The following ABLIM2 variants were observed in gnomAD, a reference collection of about 807,000 sequenced individuals.
ABLIM2 encodes the protein actin binding LIM protein family member 2.
ABLIM2 carries 53 observed loss-of-function variants against 97.7 expected under a neutral mutation model. That is an observed-to-expected ratio of 0.54 (90% CI 0.44 to 0.68). The LOEUF is 0.68. Ranked by LOEUF, ABLIM2 falls within the 30% of genes least tolerant of loss-of-function variation. The pLI, the probability that ABLIM2 is intolerant of heterozygous loss-of-function variation, is 0.00. For missense variants in ABLIM2, 835 were observed against 867.2 expected, an observed-to-expected ratio of 0.96 and a Z score of 0.47; for synonymous variants, 361 against 345.8, an observed-to-expected ratio of 1.04 and a Z score of -0.49.
At chr4:8,045,128 T>G (rs1313157839) in intron 9 of ABLIM2, 36 bp downstream of exon 9, 1 of 1,593,356 alleles carries the variant, frequency 6.3e-7, no homozygotes, top group Non-Finnish European at 8.6e-7. Context: ...CTCTCCACCC[T>G]CCCACCGCCG....
Position 8,061,478 on chromosome 4 carries a change from G to T in ABLIM2, c.676-424C>A, listed in dbSNP as rs1257651144. ...ATTTCCCTAGGTGCAAGAATTAGGG[G>T]AGTGGGGTGAAAAAGGATGAATACT... is the stretch of plus-strand genomic sequence containing the variant. On this transcript the variant is annotated intron_variant, in intron 6 of 20. Transcript: ENST00000447017. This position sits in a 1 kb window ranked among gnomAD's most constrained non-coding sequence, Gnocchi z 4.5. 6.6e-6 allele frequency among the ~76,000 whole-genome samples: 1 copy of T among 152,110 alleles called. No homozygotes were observed. The highest frequency in any genetic ancestry group is 1.5e-5 in the Non-Finnish European group (1 of 67,994).
At chr4:8,040,746 T>C (rs1263692026) in intron 9 of ABLIM2, among the ~76,000 whole-genome samples, 1 of 151,694 alleles carries the variant, frequency 6.6e-6, no homozygotes, top group Non-Finnish European at 1.5e-5. Flanking sequence ...AACCCCAAGG[T>C]GGGAGAGAGA....
chr4:8,143,156 G>T (rs1396208891), intron 1 of ABLIM2, among the ~76,000 whole-genome samples: 2 of 125,858 alleles, frequency 1.6e-5, no homozygotes, highest in East Asian at 2.3e-4. Context: ...GCGGGGGCGA[G>T]AGTGGGGGGG....
chr4:8,133,070 G>A (rs536885762), intron 1 of ABLIM2, among the ~76,000 whole-genome samples: 87 of 152,220 alleles, frequency 5.7e-4, no homozygotes, highest in African/African-American at 1.8e-3. Context: ...GCCTCTTCCC[G>A]CTTCTGCTGG....
rs894010141 is a variant in ABLIM2, at chr4:8,128,354, C to T, written c.11-21717G>A. Among the ~76,000 whole-genome samples the T allele has an allele frequency of 1.3e-5, 2 of 152,176 alleles. No homozygotes were observed. Among genetic ancestry groups the T allele is most frequent in the African/African-American group, 2.4e-5 (1 of 41,442 alleles). ...CCAGGTGGGTGGGGCCACAAGAAGA[C>T]GTGTCTCTATCTAGCGAATCAGAGT... On this transcript the variant is annotated intron_variant, in intron 1 of 20. Transcript: ENST00000447017. This position sits in a 1 kb window ranked among gnomAD's most constrained non-coding sequence, Gnocchi z 4.9.
intron 3 of ABLIM2, among the ~76,000 whole-genome samples, chr4:8,090,924 T>C (rs1826948197): frequency 6.6e-6 from 1 of 152,056 alleles, no homozygotes; most frequent in Non-Finnish European, 1.5e-5. Context: ...CTGTTACAAA[T>C]AAAGCTGTTA....
At chr4:8,110,758 G>A (rs1402528899) in intron 1 of ABLIM2, among the ~76,000 whole-genome samples, 1 of 152,190 alleles carries the variant, frequency 6.6e-6, no homozygotes, top group Non-Finnish European at 1.5e-5. Context: ...CGAGGCGTCC[G>A]GGGGCTGCAG....
chr4:8,143,672 C>G (rs1478443576), intron 1 of ABLIM2, among the ~76,000 whole-genome samples: 1 of 152,192 alleles, frequency 6.6e-6, no homozygotes. Context: ...GAAGTGCTTT[C>G]TCATGGAGTG....
At chr4:8,011,359 C>T (rs143932722) in intron 14 of ABLIM2, among the ~76,000 whole-genome samples, 48 of 152,304 alleles carry the variant, frequency 3.2e-4, no homozygotes, top group African/African-American at 1.2e-3. Context: ...TTTTAAAAAC[C>T]AGTTTGCTAG....
At chr4:8,142,197 C>T (rs1461403107) in intron 1 of ABLIM2, among the ~76,000 whole-genome samples, 1 of 152,210 alleles carries the variant, frequency 6.6e-6, no homozygotes, top group African/African-American at 2.4e-5. Flanking sequence ...TCCAGGTCTC[C>T]ACATCGGCTC....
intron 1 of ABLIM2, among the ~76,000 whole-genome samples, chr4:8,142,111 T>A (rs1368093394): frequency 6.6e-6 from 1 of 152,220 alleles, no homozygotes; most frequent in Non-Finnish European, 1.5e-5. Context: ...GGTGGCACCA[T>A]GGGAGATAGA....
intron 18 of ABLIM2, among the ~76,000 whole-genome samples, chr4:7,984,243 C>T (rs1031286388): frequency 2.6e-5 from 4 of 152,156 alleles, no homozygotes; most frequent in African/African-American, 7.2e-5. Flanking sequence ...CTCTGAGGCC[C>T]GGGGACTGAA....
chr4:8,153,951 T>G (rs1316193784), intron 1 of ABLIM2, among the ~76,000 whole-genome samples: 1 of 147,848 alleles, frequency 6.8e-6, no homozygotes, highest in African/African-American at 2.5e-5. Context: ...TTTTCTAAAT[T>G]AAACTTCTTT....
At chr4:8,056,154 T>A (rs977196309) in intron 7 of ABLIM2, among the ~76,000 whole-genome samples, 6 of 135,242 alleles carry the variant, frequency 4.4e-5, no homozygotes, top group Non-Finnish European at 8.0e-5. Flanking sequence ...CAGATGTCTC[T>A]TATTAAAAAT....
At chr4:7,982,850 C>T (rs58200520) in intron 20 of ABLIM2, among the ~76,000 whole-genome samples, 1,857 of 152,220 alleles carry the variant, frequency 0.012, 41 homozygotes, top group African/African-American at 0.042. Context: ...ATTACAGGCA[C>T]CTGCCACCAC....
rs1391885255 is a variant in ABLIM2, at chr4:7,970,695, G to A, written c.1825-3592C>T. ...TTGGGGATGACTGTGGGGGGGCGGT[G>A]GAGGGAGCATCTGGGTGGCTTCTGA... On this transcript the variant is annotated intron_variant, in intron 20 of 20. Transcript: ENST00000447017. The surrounding 1 kb of genome is among the most constrained non-coding windows in gnomAD (Gnocchi z 5.3). Among the ~76,000 whole-genome samples the A allele has an allele frequency of 6.6e-6, 1 of 151,986 alleles. No homozygotes were observed. Among genetic ancestry groups the A allele is most frequent in the Non-Finnish European group, 1.5e-5 (1 of 67,974 alleles).
At chr4:7,984,972 G>A in intron 17 of ABLIM2, 79 bp from the exon 18 acceptor site, 1 of 1,486,570 alleles carries the variant, frequency 6.7e-7, no homozygotes. Flanking sequence ...AGGAGATGTG[G>A]CCCCTTGGAG....
chr4:8,009,250 A>G, intron 14 of ABLIM2, 148 bp from the exon 15 acceptor site: 1 of 958,274 alleles, frequency 1.0e-6, no homozygotes. Context: ...AGGGCAAGGA[A>G]CAAGGTAAGC....
In ABLIM2 at chr4:8,019,650, A is replaced by C. The variant is rs376443738; in HGVS notation, c.1391T>G (p.Ile464Ser). The C allele has an allele frequency of 6.2e-7, 1 of 1,612,662 alleles. No homozygotes were observed. The highest frequency in any genetic ancestry group is 8.5e-7 in the Non-Finnish European group (1 of 1,179,394). ...HVPDTGVKDNIYRKPPIYRQH... is the reference protein window; with the variant it reads ...HVPDTGVKDNSYRKPPIYRQH... ...TCTGTAGATAGGGGGTTTCCTATAG[A>C]TGTTATCTTTTACGCCAGTGTCTGG... is the stretch of plus-strand genomic sequence containing the variant. Residue 464 changes from isoleucine to serine, a missense_variant, in exon 14 of 21, where the codon ATC (isoleucine) becomes AGC (serine). By Grantham distance (142) the Ile-to-Ser change is moderately radical (BLOSUM62 -2). Transcript: ENST00000447017. The surrounding 1 kb of genome is among the most constrained non-coding windows in gnomAD (Gnocchi z 4.3).
Sources: gnomAD v4.1 joint callset for allele counts (sites outside exome capture counted in the v4.1 genomes callset) on GRCh38, gnomAD v4.1.1 for gene constraint, Gnocchi (gnomAD v3.1) non-coding constraint, MANE v1.5 for transcripts, NCBI Gene and HGNC (gene_info 2026-07-23, HGNC 2026-07-21) for gene names.